Variants in DYNC2H1 observed in about 807,000 individuals in gnomAD.
DYNC2H1 encodes cytoplasmic dynein 2 heavy chain 1.
Under a neutral mutation model 570.0 loss-of-function variants are expected in DYNC2H1, and 410 were observed. The ratio of observed to expected loss-of-function variants is 0.72; its 90% confidence interval spans 0.66 to 0.78. The LOEUF (loss-of-function observed/expected upper bound fraction) is 0.78, where lower values mean the gene tolerates loss of function less well. Among genes scored for constraint, DYNC2H1 ranks in the 30% least tolerant of loss-of-function variants. DYNC2H1 has a pLI of 0.00. For synonymous variants in DYNC2H1, 1,688 were observed against 1,677.6 expected, an observed-to-expected ratio of 1.01 and a Z score of -0.15; for missense variants, 4,865 against 5,046.4, an observed-to-expected ratio of 0.96 and a Z score of 1.09.
Position 103,179,191 on chromosome 11 carries a change from C to T in DYNC2H1, c.6305C>T (p.Ala2102Val). Residue 2102 changes from alanine (A) to valine (V), a missense_variant, in exon 39 of 89, where the codon GCA becomes GTA. Ala to Val is a moderately conservative substitution (Grantham distance 64). Around this residue, in one of 5 missense-constraint regions of DYNC2H1, gnomAD observed 231 missense variants for 310.3 expected, o/e 0.74. Coordinates refer to ENST00000375735, the MANE Select transcript of DYNC2H1 (RefSeq NM_001377.3). The stretch of plus-strand genomic sequence containing the variant: ...TTTGAAACTCATGATTTAAGTTGTG[C>T]ATCACCAGCCACAATATCTAGAATG... ...FVFETHDLSC[A>V]SPATISRMGM... 6.2e-7 allele frequency: 1 copy of T among 1,612,970 alleles called. No homozygotes were observed. The highest frequency in any genetic ancestry group is 8.5e-7 in the Non-Finnish European group (1 of 1,179,236).
At chr11:103,337,349 G>A (rs1565506445) in intron 82 of DYNC2H1, among the ~76,000 whole-genome samples, 1 of 152,128 alleles carries the variant, frequency 6.6e-6, no homozygotes, top group Non-Finnish European at 1.5e-5. Flanking sequence ...CCATATTTCT[G>A]TGTGTGTGTC....
chr11:103,467,203 T>C (rs1449746485), intron 87 of DYNC2H1, among the ~76,000 whole-genome samples: 1 of 152,196 alleles, frequency 6.6e-6, no homozygotes, highest in Non-Finnish European at 1.5e-5. Flanking sequence ...TTCAAAACTC[T>C]TCAAGTGACC....
Position 103,157,365 on chromosome 11 carries a change from A to G in DYNC2H1, c.4127+595A>G, listed in dbSNP as rs542382798. The stretch of plus-strand genomic sequence containing the variant: ...CCCATATTTCTCTTCTGAGCTCCAA[A>G]TCTACCAAACATGCTCAAATAGTAG... On this transcript the variant is annotated intron_variant, in intron 26 of 88. Transcript: ENST00000375735. The surrounding 1 kb of genome is among the most constrained non-coding windows in gnomAD (Gnocchi z 4.2). Among the ~76,000 whole-genome samples, 1 of 152,216 alleles carries G rather than the reference A, an allele frequency of 6.6e-6. No individual in the cohort carries two copies. Among genetic ancestry groups the G allele is most frequent in the Non-Finnish European group, 1.5e-5 (1 of 68,038 alleles).
At chr11:103,304,476 T>A in intron 76 of DYNC2H1, 119 bp from the exon 77 acceptor site, 1 of 1,113,580 alleles carries the variant, frequency 9.0e-7, no homozygotes, top group East Asian at 2.9e-5. Context: ...TTCTTCCAAA[T>A]TTATTATTAA....
chr11:103,181,764 G>C lies in DYNC2H1; in HGVS notation c.6355G>C (p.Glu2119Gln). The change falls in exon 40 of 89, where the codon GAG (glutamate) becomes CAG (glutamine). Residue 2119 changes from glutamate (E) to glutamine (Q), a missense_variant. By Grantham distance (29) the Glu-to-Gln change is conservative. This residue lies in a region of DYNC2H1 where 231 missense variants were observed against 310.3 expected (regional missense o/e 0.74). Transcript: ENST00000375735. This position sits in a 1 kb window ranked among gnomAD's most constrained non-coding sequence, Gnocchi z 5.0. Reference sequence around the variant, plus strand: ...TTGTCTAAACTGTTTCAGTGATGAAGAGACAGATCTTAATTCTCTGATAAA... The same window carrying C: ...TTGTCTAAACTGTTTCAGTGATGAACAGACAGATCTTAATTCTCTGATAAA... ...RMGMIFLSDE[E>Q]TDLNSLIKSW... 6.4e-7 allele frequency: 1 copy of C among 1,559,688 alleles called. No individual in the cohort carries two copies.
intron 83 of DYNC2H1, among the ~76,000 whole-genome samples, chr11:103,392,713 A>AT (rs199672711): frequency 6.6e-6 from 1 of 151,964 alleles, no homozygotes; most frequent in Non-Finnish European, 1.5e-5. Flanking sequence ...ACATCATTTG[A>AT]TTTTTAGGGG....
chr11:103,477,104 G>A (rs954000656), intron 88 of DYNC2H1, among the ~76,000 whole-genome samples: 1 of 152,118 alleles, frequency 6.6e-6, no homozygotes, highest in Admixed American at 6.6e-5. Flanking sequence ...TGTTCGGAGA[G>A]TAACCTCTAC....
At chr11:103,416,071 G>A (rs931052807) in intron 84 of DYNC2H1, among the ~76,000 whole-genome samples, 5 of 152,120 alleles carry the variant, frequency 3.3e-5, no homozygotes, top group African/African-American at 1.2e-4. Flanking sequence ...AACACCACAT[G>A]TTCTCACTCA....
chr11:103,312,948 T>C (rs1268681002), intron 79 of DYNC2H1, among the ~76,000 whole-genome samples: 1 of 152,212 alleles, frequency 6.6e-6, no homozygotes, highest in East Asian at 1.9e-4. Flanking sequence ...TCATCAAGTC[T>C]TGTTAATTCT....
intron 70 of DYNC2H1, among the ~76,000 whole-genome samples, chr11:103,265,042 T>A (rs1865453854): frequency 6.6e-6 from 1 of 152,122 alleles, no homozygotes; most frequent in Non-Finnish European, 1.5e-5. Context: ...AAAAAAAGGA[T>A]GAATTCATGT....
chr11:103,346,652 T>C (rs1334445773), intron 82 of DYNC2H1, among the ~76,000 whole-genome samples: 3 of 152,202 alleles, frequency 2.0e-5, no homozygotes, highest in Non-Finnish European at 4.4e-5. Flanking sequence ...TTTCAAACTT[T>C]TATTAGGTTA....
At chr11:103,148,924 G>A (rs931143671) in intron 20 of DYNC2H1, among the ~76,000 whole-genome samples, 2 of 152,262 alleles carry the variant, frequency 1.3e-5, no homozygotes. Context: ...GGTTGTGGTG[G>A]TGGGTGCCTG....
rs3076351 is a variant in DYNC2H1, at chr11:103,270,577, CCTCT to C, written c.10696-9749_10696-9746del. On this transcript the variant is annotated intron_variant, in intron 70 of 88. Transcript: ENST00000375735. ...GTGATGAAAATTATATGATGTGGTA[CCTCT>C]CTCTCTCTCTCTCTCTCTCTCGAAC... is the stretch of plus-strand genomic sequence containing the variant. Among the ~76,000 whole-genome samples, 1,174 of 146,334 alleles carry C rather than the reference CCTCT, an allele frequency of 8.0e-3. 11 individuals are homozygous for C. Among genetic ancestry groups the C allele is most frequent in the Middle Eastern group, 0.021 (6 of 280 alleles).
intron 18 of DYNC2H1, among the ~76,000 whole-genome samples, chr11:103,146,205 G>A (rs1860231808): frequency 6.6e-6 from 1 of 152,146 alleles, no homozygotes; most frequent in South Asian, 2.1e-4. Flanking sequence ...AAATAAAATG[G>A]TATGTAATTA....
Position 103,111,792 on chromosome 11 carries a change from A to G in DYNC2H1, c.196-1745A>G, listed in dbSNP as rs181828286. ...CAGGTTTTTAGTCATATTTGAAAAT[A>G]TTTTGTTATGTCTTCAGTTGTACTT... On this transcript the variant is annotated intron_variant, in intron 1 of 88. Transcript: ENST00000375735. Among the ~76,000 whole-genome samples, 193 of 152,256 alleles carry G rather than the reference A, an allele frequency of 1.3e-3. 1 individual carries two copies. Among genetic ancestry groups the G allele is most frequent in the Non-Finnish European group, 2.6e-3 (174 of 68,018 alleles).
intron 83 of DYNC2H1, among the ~76,000 whole-genome samples, chr11:103,361,307 G>C (rs1163173185): frequency 1.3e-5 from 2 of 152,120 alleles, no homozygotes; most frequent in East Asian, 1.9e-4. Flanking sequence ...CTTCCTCCAC[G>C]TGAGGACACT....
chr11:103,348,982 T>G (rs1264611231), intron 82 of DYNC2H1, among the ~76,000 whole-genome samples: 3 of 152,302 alleles, frequency 2.0e-5, no homozygotes, highest in African/African-American at 7.2e-5. Flanking sequence ...CCTTCCACCA[T>G]GATTGTAAGT....
intron 83 of DYNC2H1, among the ~76,000 whole-genome samples, chr11:103,374,911 C>T (rs572639269): frequency 9.2e-5 from 14 of 152,264 alleles, no homozygotes; most frequent in Non-Finnish European, 1.5e-4. Flanking sequence ...TAATGAAGAG[C>T]CAAACACTAA....
At chr11:103,223,876 T>C (rs765888190) in intron 59 of DYNC2H1, among the ~76,000 whole-genome samples, 26 of 151,864 alleles carry the variant, frequency 1.7e-4, no homozygotes, top group Non-Finnish European at 3.2e-4. Context: ...GCCTCCCAAG[T>C]AGCTGGGATT....
Sources: allele counts gnomAD v4.1 joint callset (sites outside exome capture counted in the v4.1 genomes callset), GRCh38; gene constraint gnomAD v4.1.1; regional missense constraint gnomAD v4.1.1; non-coding constraint Gnocchi (gnomAD v3.1); transcripts MANE v1.5; gene names NCBI Gene and HGNC (gene_info 2026-07-23, HGNC 2026-07-21).